The following STPG1 variants were observed in gnomAD, a reference collection of about 807,000 sequenced individuals.
The protein encoded by STPG1 is O(6)-methylguanine-induced apoptosis 2.
A neutral mutation model predicts 40.1 loss-of-function variants in STPG1; 33 were observed. The ratio of observed to expected loss-of-function variants is 0.82; its 90% CI spans 0.62 to 1.10. STPG1 has a LOEUF of 1.10. Ranked by LOEUF, STPG1 falls within the 50% of genes least tolerant of loss-of-function variation. STPG1 has a pLI of 0.00. For synonymous variants in STPG1, 150 were observed against 155.0 expected, an observed-to-expected ratio of 0.97 and a Z score of 0.24; for missense variants, 396 against 415.1, an observed-to-expected ratio of 0.95 and a Z score of 0.40.
chr1:24,402,406 A>G lies in STPG1; in HGVS notation c.-68-950T>C, dbSNP rs1480860582. On this transcript the variant is annotated intron_variant, in intron 1 of 8. Coordinates refer to ENST00000337248, the MANE Select transcript of STPG1 (RefSeq NM_001199013.2). ...GTATCTCATTGTCATTTTAATTTGG[A>G]TATTTTCATGTGCTTATTTATCTTC... is the stretch of plus-strand genomic sequence containing the variant. Among the ~76,000 whole-genome samples, 4 of 150,036 alleles carry G rather than the reference A, an allele frequency of 2.7e-5. No homozygotes were observed. In the Admixed American group the frequency reaches 2.7e-4, roughly 10 times the overall value.
intron 5 of STPG1, chr1:24,379,340 C>A: frequency 3.7e-6 from 1 of 268,850 alleles, no homozygotes; most frequent in Non-Finnish European, 7.1e-6. Flanking sequence ...GTAAATAATA[C>A]ACCCATTGTT....
chr1:24,371,020 T>C lies in STPG1; in HGVS notation c.572-1181A>G, dbSNP rs566066508. Among the ~76,000 whole-genome samples, 5 of 152,140 alleles carry C rather than the reference T, an allele frequency of 3.3e-5. No individual in the cohort carries two copies. In the East Asian group the frequency reaches 5.8e-4, roughly 18 times the overall value. ...CACAATGCCCTGTCTCAAGAAACTG[T>C]GACAGAATAAAATGAATTTGTGTAC... On this transcript the variant is annotated intron_variant, in intron 6 of 8. Transcript: ENST00000337248.
At chr1:24,375,657 A>T (rs1641989055) in intron 5 of STPG1, among the ~76,000 whole-genome samples, 1 of 152,152 alleles carries the variant, frequency 6.6e-6, no homozygotes, top group Non-Finnish European at 1.5e-5. Flanking sequence ...GCTTTGACAG[A>T]CCTCAAAGCA....
At chr1:24,387,136 C>A (rs939695977) in intron 3 of STPG1, among the ~76,000 whole-genome samples, 6 of 152,088 alleles carry the variant, frequency 3.9e-5, no homozygotes, top group African/African-American at 7.2e-5. Context: ...AAGTGCCCTG[C>A]GTGGGATGGG....
chr1:24,361,135 C>T (rs941616665), intron 7 of STPG1, 94 bp from the exon 8 acceptor site: 4 of 1,209,100 alleles, frequency 3.3e-6, no homozygotes, highest in African/African-American at 3.1e-5. Flanking sequence ...CAGCAGCAAG[C>T]TGTCTGGAAG....
rs189249594 is a variant in STPG1 at position 24,371,720 on chromosome 1, T to C, written c.572-1881A>G. ...TGTATATATATTTCTACTAAAAAGG[T>C]TATAGCAACACTTGAATTACAAAAT... is the stretch of plus-strand genomic sequence containing the variant. On this transcript the variant is annotated intron_variant, in intron 6 of 8. Coordinates refer to ENST00000337248, the MANE Select transcript of STPG1 (RefSeq NM_001199013.2). Among the ~76,000 whole-genome samples the C allele has an allele frequency of 3.9e-4, 60 of 152,252 alleles. 1 individual carries two copies. The highest frequency in any genetic ancestry group is 1.2e-4 in the Non-Finnish European group (8 of 68,022).
intron 1 of STPG1, among the ~76,000 whole-genome samples, chr1:24,403,537 G>C (rs114600457): frequency 6.6e-6 from 1 of 152,034 alleles, no homozygotes; most frequent in Non-Finnish European, 1.5e-5. Flanking sequence ...TGAATCTATA[G>C]AACAATTTAG....
At position 24,360,863 on chromosome 1, in the gene STPG1, G is replaced by T. The variant is rs1457696466; in HGVS notation, c.916C>A (p.Leu306Met). 6.2e-7 allele frequency: 1 copy of T among 1,612,530 alleles called. No individual in the cohort carries two copies. The highest frequency in any genetic ancestry group is 1.1e-5 in the South Asian group (1 of 90,704). ...ACAATCCTCTGACCTGGGCCAGGCA[G>T]GCCTGGCTGAGGCGGCGCCGCTGTC... ...RWTAAPPQPG[L>M]PGPATYKPEL... is the part of the protein sequence containing the mutation. The change falls in exon 8 of 9, where the codon CTG (leucine) becomes ATG (methionine). Residue 306 changes from leucine to methionine, a missense_variant. Coordinates refer to ENST00000337248, the MANE Select transcript of STPG1 (RefSeq NM_001199013.2).
rs551557001 is a variant in STPG1 at position 24,366,122 on chromosome 1, G to A, written c.737+3552C>T. On this transcript the variant is annotated intron_variant, in intron 7 of 8. Transcript: ENST00000337248. ...GATCCAGAAAAGCATTTCTGTAGCT[G>A]TAACTCTGCCCAAGAATGGGAAGCC... 3.9e-5 allele frequency among the ~76,000 whole-genome samples: 6 copies of A among 152,322 alleles called. No homozygotes were observed. The South Asian group carries it at 6.2e-4, about 16-fold the overall frequency.
At chr1:24,407,107 CTTTCTA>C (rs983519843) in intron 1 of STPG1, among the ~76,000 whole-genome samples, 1 of 152,118 alleles carries the variant, frequency 6.6e-6, no homozygotes, top group Non-Finnish European at 1.5e-5. Flanking sequence ...CACCATTGTA[CTTTCTA>C]TTTCTATTAC....
intron 1 of STPG1, among the ~76,000 whole-genome samples, chr1:24,412,600 C>T (rs1032010383): frequency 2.0e-5 from 3 of 152,124 alleles, no homozygotes; most frequent in Admixed American, 6.5e-5. Flanking sequence ...GGCCCACACC[C>T]GTAATCCCAG....
chr1:24,363,583 A>G (rs755219144), intron 7 of STPG1, among the ~76,000 whole-genome samples: 1 of 152,244 alleles, frequency 6.6e-6, no homozygotes, highest in Non-Finnish European at 1.5e-5. Flanking sequence ...TCTGTAAAAC[A>G]GTGGAAATAA....
intron 7 of STPG1, chr1:24,364,535 T>G: frequency 8.0e-7 from 1 of 1,251,364 alleles, no homozygotes; most frequent in Non-Finnish European, 1.0e-6. Context: ...GAAGGTATTG[T>G]GTCTTCCTCA....
intron 2 of STPG1, among the ~76,000 whole-genome samples, chr1:24,392,452 A>G (rs900684938): frequency 6.6e-6 from 1 of 152,148 alleles, no homozygotes; most frequent in Non-Finnish European, 1.5e-5. Flanking sequence ...CCACTCCCTC[A>G]TTCCCTTCTG....
intron 5 of STPG1, among the ~76,000 whole-genome samples, chr1:24,377,557 C>A (rs531952165): frequency 5.9e-5 from 9 of 152,168 alleles, no homozygotes; most frequent in Admixed American, 3.3e-4. Context: ...TCTCTGACCA[C>A]CAAGTCAGAG....
chr1:24,362,160 G>A (rs1641164939), intron 7 of STPG1, among the ~76,000 whole-genome samples: 1 of 152,222 alleles, frequency 6.6e-6, no homozygotes, highest in Non-Finnish European at 1.5e-5. Flanking sequence ...GGGGACTTGG[G>A]ATTCCTGGCC....
intron 2 of STPG1, among the ~76,000 whole-genome samples, chr1:24,393,739 GA>G (rs200491612): frequency 6.6e-6 from 1 of 150,998 alleles, no homozygotes; most frequent in Admixed American, 6.6e-5. Flanking sequence ...CTCCCAGCTG[GA>G]AAAAAAAAGT....
chr1:24,366,814 G>A (rs774503382), intron 7 of STPG1, among the ~76,000 whole-genome samples: 23 of 152,192 alleles, frequency 1.5e-4, no homozygotes, highest in African/African-American at 4.1e-4. Context: ...TACAAATGTC[G>A]TGCTATAGAG....
At chr1:24,370,828 C>G (rs1641706496) in intron 6 of STPG1, among the ~76,000 whole-genome samples, 1 of 151,642 alleles carries the variant, frequency 6.6e-6, no homozygotes, top group Non-Finnish European at 1.5e-5. Context: ...ATTATTTTAC[C>G]CAGGCTGGTG....
Sources: allele counts gnomAD v4.1 joint callset (sites outside exome capture counted in the v4.1 genomes callset), GRCh38; gene constraint gnomAD v4.1.1; transcripts MANE v1.5; gene names NCBI Gene and HGNC (gene_info 2026-07-23, HGNC 2026-07-21).